Variants in CDC25C observed in about 807,000 individuals in gnomAD.
The protein encoded by CDC25C is M-phase inducer phosphatase 3.
CDC25C carries 48 observed loss-of-function variants against 52.5 expected under a neutral mutation model. The observed-to-expected ratio is 0.91, with a 90% confidence interval of 0.72 to 1.16. The LOEUF is 1.16. CDC25C is among the 50% of genes most tolerant of loss of function. The pLI is 0.00. For synonymous variants in CDC25C, 187 were observed against 206.5 expected, an observed-to-expected ratio of 0.91 and a Z score of 0.81; for missense variants, 510 against 566.1, an observed-to-expected ratio of 0.90 and a Z score of 1.01.
intron 10 of CDC25C, 95 bp downstream of exon 10, chr5:138,289,406 G>T: frequency 1.1e-6 from 1 of 884,520 alleles, no homozygotes; most frequent in Non-Finnish European, 1.9e-6. Flanking sequence ...AGTGAACACA[G>T]TGAAAGAAAT....
intron 7 of CDC25C, among the ~76,000 whole-genome samples, chr5:138,295,608 G>A (rs914116524): frequency 7.4e-5 from 11 of 147,680 alleles, no homozygotes; most frequent in African/African-American, 2.8e-4. Context: ...GCAAGATCCT[G>A]TCTTCTCTTA....
At chr5:138,314,980 T>A (rs1331443000) in intron 7 of CDC25C, among the ~76,000 whole-genome samples, 4 of 143,720 alleles carry the variant, frequency 2.8e-5, no homozygotes, top group African/African-American at 1.0e-4. Flanking sequence ...CAGGCTGGAG[T>A]ACAGCGGTGC....
intron 7 of CDC25C, among the ~76,000 whole-genome samples, chr5:138,314,157 A>C (rs1240992359): frequency 6.6e-6 from 1 of 151,200 alleles, no homozygotes; most frequent in Non-Finnish European, 1.5e-5. Flanking sequence ...CACCATGCCC[A>C]GCTAAATTTT....
At chr5:138,313,333 G>A (rs1278515243) in intron 7 of CDC25C, among the ~76,000 whole-genome samples, 1 of 145,032 alleles carries the variant, frequency 6.9e-6, no homozygotes, top group African/African-American at 2.6e-5. Flanking sequence ...AGACAAAATT[G>A]CGCCACTGCA....
In CDC25C at chr5:138,319,209, A is replaced by G. The variant is rs1317762636; in HGVS notation, c.615+10T>C. 2 of 1,606,274 alleles carry G rather than the reference A, an allele frequency of 1.2e-6. No individual in the cohort carries two copies. The highest frequency in any genetic ancestry group is 3.4e-5 in the Admixed American group (2 of 59,608). ...GAAGAATACAAAGATACTACCACAGAACACTTTACCTTTGCTTCTTGATCT... is the reference window on the plus strand; with the variant it reads ...GAAGAATACAAAGATACTACCACAGGACACTTTACCTTTGCTTCTTGATCT... On this transcript the variant is annotated intron_variant, in intron 7 of 13. Coordinates refer to ENST00000323760, the MANE Select transcript of CDC25C (RefSeq NM_001790.5).
At chr5:138,300,665 C>G (rs1757564052) in intron 7 of CDC25C, among the ~76,000 whole-genome samples, 1 of 152,110 alleles carries the variant, frequency 6.6e-6, no homozygotes, top group South Asian at 2.1e-4. Flanking sequence ...ATAGAATATT[C>G]TACTCAAGAA....
At chr5:138,306,397 G>A (rs1292473233) in intron 7 of CDC25C, among the ~76,000 whole-genome samples, 2 of 152,032 alleles carry the variant, frequency 1.3e-5, no homozygotes, top group African/African-American at 4.8e-5. Context: ...AGAAATGAAT[G>A]AAAAATCACT....
chr5:138,286,271 A>C (rs765316600), intron 12 of CDC25C, 138 bp from the exon 13 acceptor site: 2 of 806,724 alleles, frequency 2.5e-6, no homozygotes, highest in African/African-American at 3.5e-5. Context: ...GTGTTTGCAA[A>C]AAAAGGTCCA....
intron 7 of CDC25C, among the ~76,000 whole-genome samples, chr5:138,312,670 T>C (rs1758540209): frequency 6.6e-6 from 1 of 152,058 alleles, no homozygotes; most frequent in Non-Finnish European, 1.5e-5. Context: ...AGTAGAATGG[T>C]GGTTGCCAGA....
chr5:138,327,291 G>A (rs1276366470), intron 4 of CDC25C, among the ~76,000 whole-genome samples: 3 of 146,776 alleles, frequency 2.0e-5, no homozygotes, highest in African/African-American at 7.5e-5. Flanking sequence ...CTCCCTCCAT[G>A]GATTTCATTA....
At chr5:138,338,300 G>A (rs746064598) in exon 1 of CDC25C, 4 of 639,096 alleles carry the variant, frequency 6.3e-6, no homozygotes, top group South Asian at 4.4e-5. Flanking sequence ...GGAGCTGGAG[G>A]AACCGCGGTA....
rs966065455 is a variant in CDC25C, at chr5:138,313,047, G to C, written c.615+6172C>G. Reference sequence around the variant, plus strand: ...GTGGTTACTAGGGGCTGGGGAAGGGGGAGAAGATGGGGAGTTATTGTTTAT... The same window carrying C: ...GTGGTTACTAGGGGCTGGGGAAGGGCGAGAAGATGGGGAGTTATTGTTTAT... On this transcript the variant is annotated intron_variant, in intron 7 of 13. Coordinates refer to ENST00000323760, the MANE Select transcript of CDC25C (RefSeq NM_001790.5). 2.6e-5 allele frequency among the ~76,000 whole-genome samples: 4 copies of C among 152,038 alleles called. 1 individual carries two copies. The highest frequency in any genetic ancestry group is 5.9e-5 in the Non-Finnish European group (4 of 68,010).
intron 6 of CDC25C, among the ~76,000 whole-genome samples, chr5:138,324,560 C>A (rs1422863313): frequency 6.6e-6 from 1 of 151,938 alleles, no homozygotes; most frequent in Non-Finnish European, 1.5e-5. Context: ...GAGATCAAGA[C>A]CATCCTGGTC....
At chr5:138,295,113 C>T (rs1362619866) in intron 7 of CDC25C, among the ~76,000 whole-genome samples, 3 of 152,106 alleles carry the variant, frequency 2.0e-5, no homozygotes, top group Admixed American at 2.0e-4. Flanking sequence ...GTACTTTCTC[C>T]ATTTGATTAT....
chr5:138,319,219 C>A lies in CDC25C; in HGVS notation c.615G>T (p.Lys205Asn), dbSNP rs1759146271. 1 of 1,610,914 alleles carries A rather than the reference C, an allele frequency of 6.2e-7. No homozygotes were observed. The highest frequency in any genetic ancestry group is 8.5e-7 in the Non-Finnish European group (1 of 1,177,948). ...AAGATACTACCACAGAACACTTTAC[C>A]TTTGCTTCTTGATCTTTCAGGGAAA... ...MEFSLKDQEAKVSRSGLYRSP... is the reference protein window; with the variant it reads ...MEFSLKDQEANVSRSGLYRSP... Residue 205 changes from lysine to asparagine, a missense_variant and splice_region_variant, in exon 7 of 14, where the codon AAG (lysine) becomes AAT (asparagine). By Grantham distance (94) the Lys-to-Asn change is moderately conservative (BLOSUM62 0). Coordinates refer to ENST00000323760, the MANE Select transcript of CDC25C (RefSeq NM_001790.5).
intron 7 of CDC25C, among the ~76,000 whole-genome samples, chr5:138,304,304 G>A (rs62380881): frequency 0.14 from 20,285 of 148,522 alleles, 1,662 homozygotes; most frequent in South Asian, 0.23. Context: ...GAGTAGCTGG[G>A]ACTACAGGCA....
intron 7 of CDC25C, among the ~76,000 whole-genome samples, chr5:138,309,158 T>G (rs997328843): frequency 6.6e-6 from 1 of 151,684 alleles, no homozygotes; most frequent in African/African-American, 2.4e-5. Context: ...TTGGAGAGCA[T>G]GACTTCACAA....
At chr5:138,289,603 A>T (rs1438075364) in intron 9 of CDC25C, 40 bp from the exon 10 acceptor site, 1 of 1,533,138 alleles carries the variant, frequency 6.5e-7, no homozygotes, top group Middle Eastern at 1.7e-4. Flanking sequence ...CAAGTATTCC[A>T]CACCCAAGTT....
chr5:138,313,690 T>C (rs998363135), intron 7 of CDC25C, among the ~76,000 whole-genome samples: 3 of 152,144 alleles, frequency 2.0e-5, no homozygotes, highest in African/African-American at 7.2e-5. Context: ...CCAGCCTTTC[T>C]CTTCACTTTA....
Sources: allele counts gnomAD v4.1 joint callset (sites outside exome capture counted in the v4.1 genomes callset), GRCh38; gene constraint gnomAD v4.1.1; transcripts MANE v1.5; gene names NCBI Gene and HGNC (gene_info 2026-07-23, HGNC 2026-07-21).